Variants in ZNF292 observed in about 807,000 individuals in gnomAD.
The protein encoded by ZNF292 is zinc finger protein 292, also known as 16 zinc-finger domain protein.
Under a neutral mutation model 217.9 loss-of-function variants are expected in ZNF292, and 26 were observed. The observed-to-expected ratio is 0.12, with a 90% confidence interval of 0.09 to 0.17. ZNF292 has a LOEUF of 0.17. Ranked by LOEUF, ZNF292 falls within the 10% of genes least tolerant of loss-of-function variation. ZNF292 has a pLI of 1.00. For synonymous variants in ZNF292, 1,257 were observed against 1,124.1 expected (o/e 1.12, Z -2.37); for missense variants, 2,904 against 3,175.2 (o/e 0.91, Z 2.05).
In ZNF292 at chr6:87,260,010, A is replaced by G; in HGVS notation, c.6381A>G (p.Ile2127Met). ...AGGGATGCTTTGCTGCCTTTACGAT[A>G]CAGCAAAACTTGATTCTCCATTACC... is the stretch of plus-strand genomic sequence containing the variant. Reference protein sequence around the residue: ...VHQGCFAAFTIQQNLILHYQA... With the variant: ...VHQGCFAAFTMQQNLILHYQA... The change falls in exon 8 of 8, where the codon ATA becomes ATG. Residue 2127 changes from isoleucine to methionine, a missense_variant. By Grantham distance (10) the Ile-to-Met change is conservative (BLOSUM62 1). Transcript: ENST00000369577. 4 of 1,613,562 alleles carry G rather than the reference A, an allele frequency of 2.5e-6. No homozygotes were observed. Among genetic ancestry groups the G allele is most frequent in the Non-Finnish European group, 3.4e-6 (4 of 1,179,636 alleles).
In ZNF292 at chr6:87,184,331, T is replaced by G. The variant is rs577959520; in HGVS notation, c.168+28572T>G. ...GTACTCTACACATTTTGTAAGTATATGTTGTCTTTTTGGAAGTCTGGTTAT... is the reference window on the plus strand; with the variant it reads ...GTACTCTACACATTTTGTAAGTATAGGTTGTCTTTTTGGAAGTCTGGTTAT... On this transcript the variant is annotated intron_variant, in intron 1 of 7. Coordinates refer to ENST00000369577, the MANE Select transcript of ZNF292 (RefSeq NM_015021.3). Among the ~76,000 whole-genome samples the G allele has an allele frequency of 2.2e-3, 337 of 152,360 alleles. 2 individuals carry two copies. The highest frequency in any genetic ancestry group is 3.9e-3 in the Non-Finnish European group (268 of 68,036).
intron 1 of ZNF292, among the ~76,000 whole-genome samples, chr6:87,210,797 C>G (rs1772449235): frequency 6.6e-6 from 1 of 151,580 alleles, no homozygotes; most frequent in South Asian, 2.1e-4. Flanking sequence ...AACAAACAAA[C>G]AAAGAATGAG....
intron 5 of ZNF292, among the ~76,000 whole-genome samples, chr6:87,236,509 C>T (rs1425825452): frequency 6.6e-6 from 1 of 151,364 alleles, no homozygotes; most frequent in East Asian, 1.9e-4. Flanking sequence ...GAACTTTGGT[C>T]TGGATTCTTG....
chr6:87,227,226 G>A (rs1244166838), intron 4 of ZNF292, among the ~76,000 whole-genome samples: 1 of 152,152 alleles, frequency 6.6e-6, no homozygotes, highest in Non-Finnish European at 1.5e-5. Context: ...GTTACCATGA[G>A]CAGTAGTCTC....
intron 1 of ZNF292, among the ~76,000 whole-genome samples, chr6:87,203,487 T>C (rs1489433745): frequency 6.6e-6 from 1 of 152,054 alleles, no homozygotes; most frequent in Non-Finnish European, 1.5e-5. Flanking sequence ...GGATAACACC[T>C]ACTAGGCCCA....
chr6:87,190,032 G>A (rs1027689310), intron 1 of ZNF292, among the ~76,000 whole-genome samples: 1 of 152,172 alleles, frequency 6.6e-6, no homozygotes, highest in African/African-American at 2.4e-5. Context: ...TGCTCAAATT[G>A]TTCCAACTTT....
chr6:87,217,542 C>G (rs1418516500), intron 3 of ZNF292, among the ~76,000 whole-genome samples: 1 of 152,048 alleles, frequency 6.6e-6, no homozygotes, highest in African/African-American at 2.4e-5. Context: ...CAGATACACC[C>G]TACCACAGAA....
chr6:87,166,705 A>G (rs893198793), intron 1 of ZNF292, among the ~76,000 whole-genome samples: 1 of 152,154 alleles, frequency 6.6e-6, no homozygotes, highest in Non-Finnish European at 1.5e-5. Flanking sequence ...TTTATTTTCA[A>G]TGGTTGAAAA....
intron 4 of ZNF292, among the ~76,000 whole-genome samples, chr6:87,226,565 G>A (rs1369167932): frequency 6.7e-6 from 1 of 149,572 alleles, no homozygotes; most frequent in East Asian, 1.9e-4. Flanking sequence ...TACTGAAAAG[G>A]ATTTTTAAAC....
chr6:87,194,900 C>A (rs949053930), intron 1 of ZNF292, among the ~76,000 whole-genome samples: 1 of 149,416 alleles, frequency 6.7e-6, no homozygotes, highest in African/African-American at 2.5e-5. Flanking sequence ...CTGAAAATGT[C>A]TATATACTAT....
Position 87,265,337 on chromosome 6 carries a change from G to A in ZNF292, c.*3536G>A, listed in dbSNP as rs1775775505. On this transcript the variant is annotated 3_prime_UTR_variant, in exon 8 of 8. Transcript: ENST00000369577. ...TGCAACTTCCATCTCCCAGGTTCAA[G>A]TGATTCTCCTACCTCAGCCACCCAA... Among the ~76,000 whole-genome samples, 1 of 152,052 alleles carries A rather than the reference G, an allele frequency of 6.6e-6. No homozygotes were observed. Among genetic ancestry groups the A allele is most frequent in the African/African-American group, 2.4e-5 (1 of 41,394 alleles).
chr6:87,158,682 A>G (rs1196946906), intron 1 of ZNF292, among the ~76,000 whole-genome samples: 3 of 152,236 alleles, frequency 2.0e-5, no homozygotes, highest in African/African-American at 7.2e-5. Context: ...GTCTCAAAAA[A>G]ATAAAAAATA....
In ZNF292 at chr6:87,257,596, C is replaced by T; in HGVS notation, c.3967C>T (p.Gln1323Ter). Residue 1323 changes from glutamine to a stop codon, truncating the protein, a stop_gained, in exon 8 of 8, where the codon CAA becomes TAA. Transcript: ENST00000369577. LOFTEE classifies it high-confidence loss of function. ...TGGTGAAAATGCAGTTTTTCCTTCA[C>T]AAGTGAATGTTGCAAATAACTTCAG... ...GNGENAVFPS[Q>*]VNVANNFSST... 6.2e-7 allele frequency: 1 copy of T among 1,606,666 alleles called. No homozygotes were observed. The highest frequency in any genetic ancestry group is 1.3e-5 in the African/African-American group (1 of 74,986).
At chr6:87,212,380 C>A (rs1003859428) in intron 1 of ZNF292, among the ~76,000 whole-genome samples, 2 of 152,160 alleles carry the variant, frequency 1.3e-5, no homozygotes, top group Non-Finnish European at 2.9e-5. Context: ...TCAATCTCTG[C>A]CCCTTTACCT....
At chr6:87,162,045 A>G (rs1770771582) in intron 1 of ZNF292, among the ~76,000 whole-genome samples, 1 of 152,210 alleles carries the variant, frequency 6.6e-6, no homozygotes, top group South Asian at 2.1e-4. Context: ...GGCTGGGTCT[A>G]ATTAATCAGT....
intron 1 of ZNF292, among the ~76,000 whole-genome samples, chr6:87,167,615 T>C (rs1424760935): frequency 6.6e-6 from 1 of 152,212 alleles, no homozygotes; most frequent in East Asian, 1.9e-4. Context: ...CATTCCTGCC[T>C]GGTCAACAAG....
chr6:87,196,037 AAAAC>A (rs1222659092), intron 1 of ZNF292, among the ~76,000 whole-genome samples: 1 of 151,916 alleles, frequency 6.6e-6, no homozygotes, highest in Non-Finnish European at 1.5e-5. Context: ...CAAAAAAAAA[AAAAC>A]AAAAAGAAAA....
chr6:87,191,450 A>G (rs1056866339), intron 1 of ZNF292, among the ~76,000 whole-genome samples: 1 of 152,208 alleles, frequency 6.6e-6, no homozygotes, highest in African/African-American at 2.4e-5. Context: ...AGTTTGTGTC[A>G]AGATACCCTT....
In ZNF292 at chr6:87,255,810, T is replaced by C. The variant is rs6908834; in HGVS notation, c.2181T>C (p.Cys727=). ...GCAAAAAAGTTATTTGCCAGTACTG[T>C]AGGCGGCATTTTGTGAGTGTTACTC... ...MQSKKVICQY[C]RRHFVSVTHL... Residue 727 remains cysteine, a synonymous_variant, in exon 8 of 8, where the codon TGT becomes TGC. Transcript: ENST00000369577. 639,502 of 1,613,400 alleles carry C rather than the reference T, an allele frequency of 0.4. 129,812 individuals are homozygous for C. The highest frequency in any genetic ancestry group is 0.58 in the Admixed American group (35,058 of 59,964).
Sources: allele counts gnomAD v4.1 joint callset (sites outside exome capture counted in the v4.1 genomes callset), GRCh38; gene constraint gnomAD v4.1.1; transcripts MANE v1.5; gene names NCBI Gene and HGNC (gene_info 2026-07-23, HGNC 2026-07-21).